Variants in SYNJ2 observed in about 807,000 individuals in gnomAD.
SYNJ2 encodes polyphosphatidylinositol phosphatase SYNJ2.
SYNJ2 carries 116 observed loss-of-function variants against 141.3 expected under a neutral mutation model. The ratio of observed to expected loss-of-function variants is 0.82; its 90% CI spans 0.71 to 0.96. The LOEUF is 0.96. SYNJ2 is among the 40% of genes least tolerant of loss of function. The pLI is 0.00. For missense variants in SYNJ2, 1,873 were observed against 1,934.8 expected (o/e 0.97, Z 0.60); for synonymous variants, 745 against 777.7 (o/e 0.96, Z 0.70).
intron 22 of SYNJ2, 118 bp from the exon 23 acceptor site, chr6:158,086,737 C>T: frequency 4.5e-6 from 5 of 1,105,216 alleles, no homozygotes; most frequent in Non-Finnish European, 6.2e-6. Flanking sequence ...TGGACAGAGC[C>T]TTCAGCTGTC....
Position 158,081,182 on chromosome 6 carries a change from G to A in SYNJ2, c.2641G>A (p.Val881Met). The A allele has an allele frequency of 1.2e-6, 2 of 1,614,188 alleles. No individual in the cohort carries two copies. Among genetic ancestry groups the A allele is most frequent in the Non-Finnish European group, 1.7e-6 (2 of 1,180,038 alleles). ...TGCTCGGGAGAGGGTTTTCCAGGAA[G>A]TGTCCTCCTTCCAGGGCCCCCTGGA... ...VGARERVFQE[V>M]SSFQGPLDAT... Residue 881 changes from valine (V) to methionine (M), a missense_variant, in exon 19 of 27, where the codon GTG becomes ATG. By Grantham distance (21) the Val-to-Met change is conservative (BLOSUM62 1). Coordinates refer to ENST00000355585, the MANE Select transcript of SYNJ2 (RefSeq NM_003898.4).
chr6:157,997,653 C>A (rs1777686523), intron 1 of SYNJ2, among the ~76,000 whole-genome samples: 1 of 152,190 alleles, frequency 6.6e-6, no homozygotes, highest in African/African-American at 2.4e-5. Context: ...GTTACAGCAA[C>A]CCAGGCAACT....
intron 4 of SYNJ2, among the ~76,000 whole-genome samples, chr6:158,035,981 AC>A (rs1779616199): frequency 6.6e-6 from 1 of 151,386 alleles, no homozygotes. Flanking sequence ...AAAAAAAAAA[AC>A]ATTAAAAACT....
rs955679978 is a variant in SYNJ2 at position 158,021,328 on chromosome 6, G to A, written c.214+4038G>A. ...AGCTGAACTGCATTTAATCTCTGTAGGACTGTTTTCCTGTCTGTAAACCTG... is the reference window on the plus strand; with the variant it reads ...AGCTGAACTGCATTTAATCTCTGTAAGACTGTTTTCCTGTCTGTAAACCTG... On this transcript the variant is annotated intron_variant, in intron 2 of 26. Transcript: ENST00000355585. Among the ~76,000 whole-genome samples the A allele has an allele frequency of 2.0e-5, 3 of 152,134 alleles. No individual in the cohort carries two copies. In the East Asian group the frequency reaches 5.8e-4, roughly 29 times the overall value.
chr6:158,009,805 CCT>C (rs1778198612), intron 1 of SYNJ2, among the ~76,000 whole-genome samples: 1 of 152,168 alleles, frequency 6.6e-6, no homozygotes, highest in Admixed American at 6.5e-5. Flanking sequence ...TCTGGAGTGC[CCT>C]GTCTCCTGGA....
At chr6:157,983,305 A>G (rs1777081090) in intron 1 of SYNJ2, among the ~76,000 whole-genome samples, 1 of 152,250 alleles carries the variant, frequency 6.6e-6, no homozygotes, top group Non-Finnish European at 1.5e-5. Context: ...CTCAGCATCA[A>G]AAGTAGGCAG....
chr6:157,993,800 T>G lies in SYNJ2; in HGVS notation c.127+11712T>G, dbSNP rs1328122872. Among the ~76,000 whole-genome samples the G allele has an allele frequency of 2.6e-4, 4 of 15,356 alleles. No individual in the cohort carries two copies. The African/African-American group carries it at 3.0e-3, about 12-fold the overall frequency. 10.1% of individuals were successfully genotyped at this position (15,356 alleles called of 152,430 possible). A position where few individuals can be genotyped will look rare whatever the true frequency, so the allele number is the denominator to read the frequency against. On this transcript the variant is annotated intron_variant, in intron 1 of 26. Coordinates refer to ENST00000355585, the MANE Select transcript of SYNJ2 (RefSeq NM_003898.4). ...TTGTGTGTCTGGAAATGTGTGGGTT[T>G]TTTTTTTTTTTTTTTTTTTTTTTTT...
chr6:158,088,057 TTTTTTTTTTTTTTTTTTTTTTG>T (rs1783192289), intron 23 of SYNJ2, among the ~76,000 whole-genome samples: 5 of 73,096 alleles, frequency 6.8e-5, no homozygotes, highest in East Asian at 5.0e-4. Context: ...TTTTTTTTTT[TTTTTTTTTTTTTTTTTTTTTTG>T]AGATGGGCTC....
At chr6:158,089,313 C>T (rs117748754) in intron 24 of SYNJ2, among the ~76,000 whole-genome samples, 19 of 151,960 alleles carry the variant, frequency 1.3e-4, no homozygotes, top group Admixed American at 6.5e-4. Flanking sequence ...AGAGGGGAAG[C>T]TGGGTGCTAG....
At chr6:158,021,340 T>C (rs527955639) in intron 2 of SYNJ2, among the ~76,000 whole-genome samples, 3 of 152,220 alleles carry the variant, frequency 2.0e-5, no homozygotes, top group Non-Finnish European at 2.9e-5. Context: ...ACTGTTTTCC[T>C]GTCTGTAAAC....
intron 1 of SYNJ2, chr6:158,016,900 A>G (rs941754102): frequency 8.3e-6 from 6 of 725,012 alleles, no homozygotes; most frequent in African/African-American, 1.9e-5. Context: ...GTAGAGTAAT[A>G]GGGCCAGGCC....
intron 1 of SYNJ2, among the ~76,000 whole-genome samples, chr6:157,990,148 C>T (rs1777366323): frequency 1.3e-5 from 2 of 152,230 alleles, no homozygotes; most frequent in African/African-American, 4.8e-5. Flanking sequence ...CACTGGGAGC[C>T]TGTCAGCCAC....
At chr6:158,031,363 G>A (rs1040933562) in intron 3 of SYNJ2, among the ~76,000 whole-genome samples, 7 of 152,202 alleles carry the variant, frequency 4.6e-5, no homozygotes, top group African/African-American at 1.7e-4. Flanking sequence ...GAGGTGTGAG[G>A]GGCACTAACA....
At chr6:158,056,646 G>A (rs943882073) in intron 6 of SYNJ2, among the ~76,000 whole-genome samples, 2 of 152,220 alleles carry the variant, frequency 1.3e-5, no homozygotes, top group Non-Finnish European at 2.9e-5. Context: ...AGGCTGCCCA[G>A]GTCCTCGATG....
chr6:158,088,626 G>A (rs754560149), intron 23 of SYNJ2, 34 bp from the exon 24 acceptor site: 12 of 1,547,524 alleles, frequency 7.8e-6, no homozygotes, highest in African/African-American at 5.5e-5. Context: ...TGCCTTCACT[G>A]AGATTGAGAC....
rs376984280 is a variant in SYNJ2 at position 158,052,871 on chromosome 6, C to T, written c.796-2096C>T. On this transcript the variant is annotated intron_variant, in intron 5 of 26. Transcript: ENST00000355585. ...GAAATTTAACATTGACAAAGTACTT[C>T]AATCTCATCTGCAGGCAATATTCCA... Among the ~76,000 whole-genome samples, 24 of 152,334 alleles carry T rather than the reference C, an allele frequency of 1.6e-4. 1 individual carries two copies. Among genetic ancestry groups the T allele is most frequent in the East Asian group, 5.8e-4 (3 of 5,194 alleles).
At chr6:157,999,170 C>A (rs559991997) in intron 1 of SYNJ2, among the ~76,000 whole-genome samples, 2 of 152,350 alleles carry the variant, frequency 1.3e-5, no homozygotes, top group East Asian at 3.9e-4. Context: ...AGGAAAAATA[C>A]AAATGGCCAA....
intron 6 of SYNJ2, among the ~76,000 whole-genome samples, chr6:158,056,290 G>A (rs1780864532): frequency 6.6e-6 from 1 of 152,190 alleles, no homozygotes; most frequent in African/African-American, 2.4e-5. Flanking sequence ...GTACCACAGA[G>A]AATGAGACCT....
intron 25 of SYNJ2, among the ~76,000 whole-genome samples, chr6:158,092,501 G>A (rs1288354682): frequency 2.0e-5 from 3 of 152,194 alleles, no homozygotes; most frequent in Non-Finnish European, 4.4e-5. Context: ...TTAGCTGGGC[G>A]TGGTGGTTCA....
Sources: allele counts gnomAD v4.1 joint callset (sites outside exome capture counted in the v4.1 genomes callset), GRCh38; gene constraint gnomAD v4.1.1; transcripts MANE v1.5; gene names NCBI Gene and HGNC (gene_info 2026-07-23, HGNC 2026-07-21).